The following OSBPL1A variants were observed in gnomAD, a reference collection of about 807,000 sequenced individuals.
The protein encoded by OSBPL1A is oxysterol binding protein like 1A, also known as oxysterol-binding protein-related protein 1.
Under a neutral mutation model 137.1 loss-of-function variants are expected in OSBPL1A, and 80 were observed. The observed-to-expected ratio is 0.58, with a 90% CI of 0.49 to 0.70. The LOEUF (loss-of-function observed/expected upper bound fraction) is 0.70. OSBPL1A is among the 30% of genes least tolerant of loss of function. OSBPL1A has a pLI of 0.00. For missense variants in OSBPL1A, 970 were observed against 1,129.4 expected, an observed-to-expected ratio of 0.86 and a Z score of 2.02; for synonymous variants, 365 against 389.7, an observed-to-expected ratio of 0.94 and a Z score of 0.75.
intron 16 of OSBPL1A, among the ~76,000 whole-genome samples, chr18:24,236,855 G>A (rs1045437462): frequency 2.0e-5 from 3 of 152,068 alleles, no homozygotes; most frequent in Admixed American, 6.5e-5. Flanking sequence ...TCTTCCTCCC[G>A]GAGGAGACGA....
intron 1 of OSBPL1A, among the ~76,000 whole-genome samples, chr18:24,386,290 C>T (rs145941769): frequency 1.3e-5 from 2 of 152,168 alleles, no homozygotes; most frequent in African/African-American, 4.8e-5. Flanking sequence ...TTGCCTTGTG[C>T]CTAAAGCCCA....
At chr18:24,198,599 G>A (rs567330003) in intron 17 of OSBPL1A, among the ~76,000 whole-genome samples, 1 of 152,056 alleles carries the variant, frequency 6.6e-6, no homozygotes, top group Non-Finnish European at 1.5e-5. Context: ...GCCTCACTGA[G>A]ACCACACTTT....
intron 11 of OSBPL1A, 111 bp from the exon 12 acceptor site, chr18:24,314,458 A>G: frequency 1.5e-6 from 1 of 657,874 alleles, no homozygotes; most frequent in Non-Finnish European, 2.5e-6. Flanking sequence ...TACCCAGTTG[A>G]ACACTTAAGT....
chr18:24,231,440 C>A (rs556958134), intron 16 of OSBPL1A, among the ~76,000 whole-genome samples: 21 of 152,004 alleles, frequency 1.4e-4, no homozygotes, highest in South Asian at 4.1e-4. Context: ...TTACAGGCGC[C>A]CACCACCACG....
chr18:24,376,443 T>A (rs1221822840), intron 2 of OSBPL1A, among the ~76,000 whole-genome samples: 1 of 152,202 alleles, frequency 6.6e-6, no homozygotes, highest in African/African-American at 2.4e-5. Context: ...TGCCGATTGG[T>A]GTATTTACAA....
intron 17 of OSBPL1A, among the ~76,000 whole-genome samples, chr18:24,216,493 C>G (rs1410634755): frequency 6.6e-6 from 1 of 152,068 alleles, no homozygotes; most frequent in African/African-American, 2.4e-5. Flanking sequence ...GGCGACAGAG[C>G]GAGACTGTGT....
chr18:24,238,869 T>C (rs2088586616), intron 16 of OSBPL1A, among the ~76,000 whole-genome samples: 3 of 152,214 alleles, frequency 2.0e-5, no homozygotes, highest in Non-Finnish European at 2.9e-5. Context: ...AGACAGAAAC[T>C]GTCTGTCTGT....
chr18:24,327,903 A>T (rs1420578825), intron 7 of OSBPL1A, among the ~76,000 whole-genome samples: 1 of 151,784 alleles, frequency 6.6e-6, no homozygotes, highest in Non-Finnish European at 1.5e-5. Context: ...TGGTATTTGT[A>T]TGGAACTATA....
At chr18:24,201,680 T>C (rs1022869424) in intron 17 of OSBPL1A, among the ~76,000 whole-genome samples, 1 of 152,026 alleles carries the variant, frequency 6.6e-6, no homozygotes, top group African/African-American at 2.4e-5. Flanking sequence ...GGAGAATCAC[T>C]TGAACCCAGG....
intron 4 of OSBPL1A, among the ~76,000 whole-genome samples, chr18:24,344,168 C>A (rs920256345): frequency 6.6e-6 from 1 of 152,126 alleles, no homozygotes; most frequent in Admixed American, 6.5e-5. Context: ...AGAAGATGTA[C>A]AAATGGTCAA....
At chr18:24,167,649 T>C (rs1276948302) in intron 24 of OSBPL1A, among the ~76,000 whole-genome samples, 1 of 152,164 alleles carries the variant, frequency 6.6e-6, no homozygotes, top group African/African-American at 2.4e-5. Flanking sequence ...CGATACTCAG[T>C]AACGGTGTTA....
chr18:24,275,751 C>T (rs868744259), intron 15 of OSBPL1A, among the ~76,000 whole-genome samples: 56 of 148,106 alleles, frequency 3.8e-4, no homozygotes, highest in Middle Eastern at 3.5e-3. Context: ...TTTCTTGAGA[C>T]GGAGTCTCAC....
In OSBPL1A at chr18:24,213,151, C is replaced by T. The variant is rs75910970; in HGVS notation, c.1601+11891G>A. Among the ~76,000 whole-genome samples the T allele has an allele frequency of 8.7e-3, 1,329 of 152,280 alleles. 24 individuals are homozygous for T. Among genetic ancestry groups the T allele is most frequent in the African/African-American group, 0.031 (1,270 of 41,540 alleles). ...GTTAGACCTCTCCAACTAAAATTAG[C>T]GTAGCGTCTTAGAAGCAGGTCAGTA... On this transcript the variant is annotated intron_variant, in intron 17 of 27. Transcript: ENST00000319481.
chr18:24,172,572 T>C, intron 21 of OSBPL1A, 89 bp from the exon 22 acceptor site: 1 of 882,486 alleles, frequency 1.1e-6, no homozygotes, highest in East Asian at 2.5e-5. Flanking sequence ...TTACTCAGAA[T>C]AACAAACCAG....
At chr18:24,188,253 C>T (rs1233806992) in intron 18 of OSBPL1A, among the ~76,000 whole-genome samples, 1 of 152,288 alleles carries the variant, frequency 6.6e-6, no homozygotes, top group Non-Finnish European at 1.5e-5. Context: ...AGCAATGCTG[C>T]GTGCACTGCC....
At chr18:24,210,765 G>C (rs1215011987) in intron 17 of OSBPL1A, among the ~76,000 whole-genome samples, 1 of 151,860 alleles carries the variant, frequency 6.6e-6, no homozygotes, top group Non-Finnish European at 1.5e-5. Flanking sequence ...CAAACTCCTG[G>C]ACTCAAGTGA....
chr18:24,289,979 A>G (rs555290003), intron 14 of OSBPL1A, among the ~76,000 whole-genome samples: 2 of 152,288 alleles, frequency 1.3e-5, no homozygotes, highest in African/African-American at 4.8e-5. Flanking sequence ...TCACTTTCAC[A>G]CTATTGTAAA....
At chr18:24,396,897 T>C (rs1907780371) in intron 1 of OSBPL1A, among the ~76,000 whole-genome samples, 1 of 152,194 alleles carries the variant, frequency 6.6e-6, no homozygotes, top group African/African-American at 2.4e-5. Flanking sequence ...GGAAAACACA[T>C]CACCGATTTT....
At chr18:24,345,784 A>C (rs2091337233) in intron 4 of OSBPL1A, among the ~76,000 whole-genome samples, 1 of 152,150 alleles carries the variant, frequency 6.6e-6, no homozygotes, top group Non-Finnish European at 1.5e-5. Flanking sequence ...TCACTGTCTA[A>C]AGTAGCATTA....
Sources: gnomAD v4.1 joint callset for allele counts (sites outside exome capture counted in the v4.1 genomes callset) on GRCh38, gnomAD v4.1.1 for gene constraint, MANE v1.5 for transcripts, NCBI Gene and HGNC (gene_info 2026-07-23, HGNC 2026-07-21) for gene names.